SLCO1B3: variants seen among roughly 807,000 people sequenced by gnomAD.
SLCO1B3 encodes solute carrier organic anion transporter family member 1B3, also known as liver-specific organic anion transporter 2.
SLCO1B3 carries 72 observed loss-of-function variants against 71.8 expected under a neutral mutation model. The observed-to-expected ratio is 1.00, with a 90% CI of 0.83 to 1.22. The LOEUF is 1.22. SLCO1B3 is among the 50% of genes most tolerant of loss of function. SLCO1B3 has a pLI of 0.00. For synonymous variants in SLCO1B3, 298 were observed against 278.4 expected (o/e 1.07, Z -0.70); for missense variants, 911 against 819.7 (o/e 1.11, Z -1.36).
intron 3 of SLCO1B3, among the ~76,000 whole-genome samples, chr12:20,832,802 A>G (rs909325908): frequency 6.6e-6 from 1 of 152,218 alleles, no homozygotes; most frequent in South Asian, 2.1e-4. Flanking sequence ...TGAACACCCC[A>G]TATAAAATAG....
rs190156755 is a variant in SLCO1B3, at chr12:20,849,316, A to G, written c.85-5712A>G. ...ATTAAGCAAAGAAAAAAGCCACATG[A>G]CCATCTTACTAGATGCATTTGACAC... On this transcript the variant is annotated intron_variant, in intron 3 of 15. Coordinates refer to ENST00000381545, the MANE Select transcript of SLCO1B3 (RefSeq NM_019844.4). 1.1e-4 allele frequency among the ~76,000 whole-genome samples: 16 copies of G among 152,098 alleles called. No homozygotes were observed. In the East Asian group the frequency reaches 3.1e-3, roughly 29 times the overall value.
chr12:20,875,393 T>A lies in SLCO1B3; in HGVS notation c.886T>A (p.Leu296Met), dbSNP rs1416360730. 5 of 1,611,022 alleles carry A rather than the reference T, an allele frequency of 3.1e-6. No homozygotes were observed. Among genetic ancestry groups the A allele is most frequent in the Non-Finnish European group, 4.2e-6 (5 of 1,178,940 alleles). Residue 296 changes from leucine to methionine, a missense_variant, in exon 9 of 16, where the codon TTG becomes ATG. Physicochemically the swap from Leu to Met is conservative, Grantham distance 15. Transcript: ENST00000381545. The stretch of plus-strand genomic sequence containing the variant: ...AAAAGAAAGAAAAATTTCACTATCA[T>A]TGCATGTGCTGAAAACAAATGATGA... ...PQKERKISLS[L>M]HVLKTNDDRN...
chr12:20,822,505 G>A (rs1197165551), intron 3 of SLCO1B3, among the ~76,000 whole-genome samples: 5 of 152,230 alleles, frequency 3.3e-5, no homozygotes, highest in South Asian at 2.1e-4. Flanking sequence ...CAGTTAAGGC[G>A]GGGCAGGGCC....
intron 8 of SLCO1B3, among the ~76,000 whole-genome samples, chr12:20,869,720 T>C (rs1337855012): frequency 6.6e-6 from 1 of 152,208 alleles, no homozygotes; most frequent in Non-Finnish European, 1.5e-5. Flanking sequence ...CACATTTTCT[T>C]TGTTTATTCA....
In SLCO1B3 at chr12:20,860,116, C is replaced by T. The variant is rs371125714; in HGVS notation, c.360-901C>T. On this transcript the variant is annotated intron_variant, in intron 5 of 15. Transcript: ENST00000381545. The stretch of plus-strand genomic sequence containing the variant: ...GACTACAGGCGCCTGCCACCACGCC[C>T]GGCTAATTTTTTGTATTTTTAGTAG... Among the ~76,000 whole-genome samples the T allele has an allele frequency of 3.9e-4, 59 of 151,986 alleles. No homozygotes were observed. In the East Asian group the frequency reaches 8.4e-3, roughly 22 times the overall value.
chr12:20,858,692 T>C lies in SLCO1B3; in HGVS notation c.359+121T>C, dbSNP rs563222650. 3.5e-6 allele frequency: 3 copies of C among 850,070 alleles called. No homozygotes were observed. In the African/African-American group the frequency reaches 5.1e-5, roughly 14 times the overall value. The allele number at this position is 850,070 out of a possible 1,614,324, so 52.7% of individuals were successfully genotyped here. On this transcript the variant is annotated intron_variant, in intron 5 of 15. Coordinates refer to ENST00000381545, the MANE Select transcript of SLCO1B3 (RefSeq NM_019844.4). ...TGAGAGGAATACCTATAGGTATGCA[T>C]AGAGAAATGGAGTATATTTCCTATA...
At chr12:20,824,682 A>G (rs1251926245) in intron 3 of SLCO1B3, among the ~76,000 whole-genome samples, 2 of 152,218 alleles carry the variant, frequency 1.3e-5, no homozygotes, top group Admixed American at 6.5e-5. Context: ...ACACATTCAC[A>G]TAAATATAAT....
chr12:20,907,634 G>C lies in SLCO1B3; in HGVS notation c.1865+6167G>C, dbSNP rs191882256. 3.8e-3 allele frequency among the ~76,000 whole-genome samples: 571 copies of C among 150,182 alleles called. 5 individuals are homozygous for C. The highest frequency in any genetic ancestry group is 0.013 in the African/African-American group (552 of 40,916). On this transcript the variant is annotated intron_variant, in intron 15 of 15. Coordinates refer to ENST00000381545, the MANE Select transcript of SLCO1B3 (RefSeq NM_019844.4). ...AGCAATTCTCTTGCCTCAGCCTCCT[G>C]AGCAGCTGGGATTACAGGCGCCCGC...
chr12:20,914,014 T>C (rs1032907734), intron 15 of SLCO1B3, among the ~76,000 whole-genome samples: 1 of 152,218 alleles, frequency 6.6e-6, no homozygotes. Context: ...TTCTCCCATC[T>C]TGGCCCCCCA....
At chr12:20,858,145 C>T (rs1259228313) in intron 4 of SLCO1B3, among the ~76,000 whole-genome samples, 1 of 152,010 alleles carries the variant, frequency 6.6e-6, no homozygotes, top group Non-Finnish European at 1.5e-5. Context: ...AAGACATTTT[C>T]CATTCCAATG....
At chr12:20,818,198 G>T (rs574859588) in intron 3 of SLCO1B3, among the ~76,000 whole-genome samples, 114 of 152,278 alleles carry the variant, frequency 7.5e-4, no homozygotes, top group Admixed American at 1.7e-3. Context: ...TCTGAGAAGG[G>T]AAAGTGGTAA....
intron 12 of SLCO1B3, among the ~76,000 whole-genome samples, chr12:20,883,047 A>G (rs4149149): frequency 0.72 from 109,965 of 151,904 alleles, 42,391 homozygotes; most frequent in South Asian, 0.9. Context: ...TGAGTGGCTA[A>G]GTTTTGTCCC....
At chr12:20,903,684 C>T (rs913625724) in intron 15 of SLCO1B3, among the ~76,000 whole-genome samples, 1 of 152,134 alleles carries the variant, frequency 6.6e-6, no homozygotes, top group African/African-American at 2.4e-5. Flanking sequence ...GAAATCCACC[C>T]CCAAGATCCA....
intron 3 of SLCO1B3, among the ~76,000 whole-genome samples, chr12:20,822,835 T>C (rs758102995): frequency 9.9e-5 from 15 of 152,224 alleles, no homozygotes; most frequent in Non-Finnish European, 1.9e-4. Context: ...AGCTTTTAGC[T>C]TAATTTTGTT....
chr12:20,815,839 AT>A lies in SLCO1B3; in HGVS notation c.84+21del. ...GGATTCAAGGTAGAATGGGTTTTAT[AT>A]TTTCAAACTAAAATAAGTTAATGGA... On this transcript the variant is annotated intron_variant, in intron 3 of 15. Coordinates refer to ENST00000381545, the MANE Select transcript of SLCO1B3 (RefSeq NM_019844.4). 1 of 1,510,398 alleles carries A rather than the reference AT, an allele frequency of 6.6e-7. No homozygotes were observed. The allele number at this position is 1,510,398 out of a possible 1,614,324, so 93.6% of individuals were successfully genotyped here. A position where few individuals can be genotyped will look rare whatever the true frequency, so the allele number is the denominator to read the frequency against.
rs1866500059 is a variant in SLCO1B3, at chr12:20,916,380, A to G, written c.*133A>G. The G allele has an allele frequency of 2.5e-6, 2 of 808,684 alleles. No homozygotes were observed. The highest frequency in any genetic ancestry group is 1.9e-6 in the Non-Finnish European group (1 of 514,668). The allele number at this position is 808,684 out of a possible 1,614,324, so 50.1% of individuals were successfully genotyped here. A position where few individuals can be genotyped will look rare whatever the true frequency, so the allele number is the denominator to read the frequency against. On this transcript the variant is annotated 3_prime_UTR_variant, in exon 16 of 16. Coordinates refer to ENST00000381545, the MANE Select transcript of SLCO1B3 (RefSeq NM_019844.4). ...ATAATAAACTATAAAAAATGGGAGT[A>G]CCCATGGTTAGGATATAGCTATGCC...
chr12:20,833,736 ATTTAT>A (rs1249291471), intron 3 of SLCO1B3, among the ~76,000 whole-genome samples: 2 of 47,286 alleles, frequency 4.2e-5, no homozygotes, highest in African/African-American at 7.9e-5. Flanking sequence ...TACATATGTA[ATTTAT>A]TTATGTAATA....
intron 3 of SLCO1B3, among the ~76,000 whole-genome samples, chr12:20,841,609 T>G (rs888577528): frequency 4.6e-5 from 7 of 152,180 alleles, no homozygotes; most frequent in African/African-American, 1.7e-4. Flanking sequence ...GGGGTACATA[T>G]GCAGGTTTGT....
chr12:20,852,330 T>C (rs1435944891), intron 3 of SLCO1B3, among the ~76,000 whole-genome samples: 3 of 151,918 alleles, frequency 2.0e-5, no homozygotes, highest in African/African-American at 7.3e-5. Context: ...AAAAAAGTAA[T>C]TAGTTAGGCA....
Sources: allele counts gnomAD v4.1 joint callset (sites outside exome capture counted in the v4.1 genomes callset), GRCh38; gene constraint gnomAD v4.1.1; transcripts MANE v1.5; gene names NCBI Gene and HGNC (gene_info 2026-07-23, HGNC 2026-07-21).